PHACTR3: variants seen among roughly 807,000 people sequenced by gnomAD.
The protein encoded by PHACTR3 is protein phosphatase 1, regulatory subunit 123.
A neutral mutation model predicts 66.8 loss-of-function variants in PHACTR3; 16 were observed. The ratio of observed to expected loss-of-function variants is 0.24; its 90% CI spans 0.16 to 0.36. The LOEUF is 0.36. Ranked by LOEUF, PHACTR3 falls within the 10% of genes least tolerant of loss-of-function variation. PHACTR3 has a pLI of 1.00. For missense variants in PHACTR3, 647 were observed against 719.9 expected (o/e 0.90, Z 1.16); for synonymous variants, 323 against 292.1 (o/e 1.11, Z -1.08).
At chr20:59,819,555 A>G (rs898757866) in intron 8 of PHACTR3, among the ~76,000 whole-genome samples, 3 of 150,754 alleles carry the variant, frequency 2.0e-5, no homozygotes, top group South Asian at 2.1e-4. Context: ...AAAAAAAAAG[A>G]AAACAAAATG....
At chr20:59,663,665 G>C (rs1474847493) in intron 1 of PHACTR3, among the ~76,000 whole-genome samples, 1 of 152,188 alleles carries the variant, frequency 6.6e-6, no homozygotes, top group East Asian at 1.9e-4. Flanking sequence ...TGACGATGCC[G>C]CGTGCAGGAG....
intron 1 of PHACTR3, among the ~76,000 whole-genome samples, chr20:59,722,849 A>G (rs73144831): frequency 0.18 from 27,710 of 151,586 alleles, 3,337 homozygotes; most frequent in Non-Finnish European, 0.25. Context: ...GGTGGTGGTG[A>G]GCACCGCAGC....
chr20:59,798,158 C>T (rs945402179), intron 7 of PHACTR3, among the ~76,000 whole-genome samples: 109 of 152,150 alleles, frequency 7.2e-4, no homozygotes, highest in African/African-American at 2.5e-3. Context: ...TAGGTGGCAC[C>T]ATCTAGGTGT....
chr20:59,839,167 T>C lies in PHACTR3; in HGVS notation c.1385-1202T>C, dbSNP rs182942163. On this transcript the variant is annotated intron_variant, in intron 9 of 12. Coordinates refer to ENST00000371015, the MANE Select transcript of PHACTR3 (RefSeq NM_080672.5). Reference sequence around the variant, plus strand: ...CACGTAAATCCCTCATGGCTTGCCTTGTCTGGACACTTTCACAATGTCTCT... The same window carrying C: ...CACGTAAATCCCTCATGGCTTGCCTCGTCTGGACACTTTCACAATGTCTCT... Among the ~76,000 whole-genome samples, 331 of 152,326 alleles carry C rather than the reference T, an allele frequency of 2.2e-3. 5 individuals are homozygous for C. The highest frequency in any genetic ancestry group is 0.017 in the South Asian group (81 of 4,822).
chr20:59,713,297 G>A (rs187165788), intron 1 of PHACTR3, among the ~76,000 whole-genome samples: 18 of 152,196 alleles, frequency 1.2e-4, no homozygotes, highest in Admixed American at 7.8e-4. Context: ...TTTTCTACTA[G>A]GCATAGGACA....
chr20:59,759,656 C>T (rs766867924), intron 4 of PHACTR3, among the ~76,000 whole-genome samples: 2 of 152,178 alleles, frequency 1.3e-5, no homozygotes, highest in African/African-American at 2.4e-5. Context: ...CCTAGGTCTC[C>T]GGTTTCTACT....
In PHACTR3 at chr20:59,847,482, CCT is replaced by C. The variant is rs2059172457; in HGVS notation, c.*355_*356del. 1 of 217,712 alleles carries C rather than the reference CCT, an allele frequency of 4.6e-6. No homozygotes were observed. The highest frequency in any genetic ancestry group is 2.2e-5 in the African/African-American group (1 of 44,484). The allele number at this position is 217,712 out of a possible 1,614,324, so 13.5% of individuals were successfully genotyped here. ...CATGTGCAGGCTCACCACTCCCAGGCCTCTGACATGAGGGACATGTGACAGTG... is the reference window on the plus strand; with the variant it reads ...CATGTGCAGGCTCACCACTCCCAGGCCTGACATGAGGGACATGTGACAGTG... On this transcript the variant is annotated 3_prime_UTR_variant, in exon 13 of 13. Transcript: ENST00000371015.
chr20:59,752,573 C>CTTGCAGAAAACCTGCAAGAAGTCG (rs1205274752), intron 3 of PHACTR3, among the ~76,000 whole-genome samples: 2 of 152,222 alleles, frequency 1.3e-5, no homozygotes, highest in Non-Finnish European at 2.9e-5. Context: ...GCAAGAAGTC[C>CTTGCAGAAAACCTGCAAGAAGTCG]TTGCAGAAAA....
rs6027089 is a variant in PHACTR3, at chr20:59,769,188, C to T, written c.751+1793C>T. On this transcript the variant is annotated intron_variant, in intron 5 of 12. Coordinates refer to ENST00000371015, the MANE Select transcript of PHACTR3 (RefSeq NM_080672.5). The stretch of plus-strand genomic sequence containing the variant: ...CCCTTGACCTCATAGCACCATGCGC[C>T]CCATCTTCCAGCATTTACCACATTG... Among the ~76,000 whole-genome samples the T allele has an allele frequency of 9.6e-3, 1,461 of 152,360 alleles. 26 individuals are homozygous for T. Among genetic ancestry groups the T allele is most frequent in the African/African-American group, 0.034 (1,399 of 41,588 alleles).
At chr20:59,706,634 C>T (rs2037712773) in intron 1 of PHACTR3, among the ~76,000 whole-genome samples, 1 of 152,192 alleles carries the variant, frequency 6.6e-6, no homozygotes, top group Non-Finnish European at 1.5e-5. Flanking sequence ...GAGCCCTCTC[C>T]CCAAGAGCTG....
At chr20:59,727,823 C>CA (rs556457155) in intron 1 of PHACTR3, among the ~76,000 whole-genome samples, 30 of 152,184 alleles carry the variant, frequency 2.0e-4, no homozygotes, top group African/African-American at 7.0e-4. Context: ...GCAAATATTC[C>CA]AAAATCAGAA....
intron 9 of PHACTR3, among the ~76,000 whole-genome samples, chr20:59,837,130 G>C (rs905311160): frequency 2.0e-5 from 3 of 152,138 alleles, no homozygotes; most frequent in Non-Finnish European, 4.4e-5. Flanking sequence ...CCATGCTCTA[G>C]GGCACTATAT....
intron 11 of PHACTR3, among the ~76,000 whole-genome samples, chr20:59,843,122 T>C (rs2059094228): frequency 6.6e-6 from 1 of 151,950 alleles, no homozygotes; most frequent in Non-Finnish European, 1.5e-5. Flanking sequence ...TTATTTAAAA[T>C]AGGTACCAAA....
chr20:59,829,445 C>T lies in PHACTR3; in HGVS notation c.1329-7060C>T, dbSNP rs1203327541. Among the ~76,000 whole-genome samples the T allele has an allele frequency of 6.6e-6, 1 of 152,224 alleles. No individual in the cohort carries two copies. The highest frequency in any genetic ancestry group is 1.5e-5 in the Non-Finnish European group (1 of 68,042). ...TCCTGAACTTCTCTCCAGACACACC[C>T]ACATTGCTCTGACGCTCTGAGACAT... On this transcript the variant is annotated intron_variant, in intron 8 of 12. Coordinates refer to ENST00000371015, the MANE Select transcript of PHACTR3 (RefSeq NM_080672.5). This position sits in a 1 kb window ranked among gnomAD's most constrained non-coding sequence, Gnocchi z 4.2.
intron 7 of PHACTR3, among the ~76,000 whole-genome samples, chr20:59,801,103 T>C (rs2041400243): frequency 6.6e-6 from 1 of 152,224 alleles, no homozygotes; most frequent in African/African-American, 2.4e-5. Flanking sequence ...TCTTTGGATC[T>C]TCTTACTATG....
At chr20:59,598,492 A>G (rs1045584472) in intron 1 of PHACTR3, among the ~76,000 whole-genome samples, 1 of 152,184 alleles carries the variant, frequency 6.6e-6, no homozygotes, top group Non-Finnish European at 1.5e-5. Flanking sequence ...CTTGACCCCA[A>G]GGAGGGCTAG....
At chr20:59,661,246 G>A (rs2035794142) in intron 1 of PHACTR3, among the ~76,000 whole-genome samples, 1 of 152,040 alleles carries the variant, frequency 6.6e-6, no homozygotes, top group Non-Finnish European at 1.5e-5. Flanking sequence ...TGGGCTGCTT[G>A]TTGATGGCTG....
rs530353969 is a variant in PHACTR3 at position 59,617,823 on chromosome 20, C to T, written c.118+12691C>T. Among the ~76,000 whole-genome samples, 3 of 152,336 alleles carry T rather than the reference C, an allele frequency of 2.0e-5. No homozygotes were observed. The South Asian group carries it at 6.2e-4, about 32-fold the overall frequency. On this transcript the variant is annotated intron_variant, in intron 1 of 12. Coordinates refer to ENST00000371015, the MANE Select transcript of PHACTR3 (RefSeq NM_080672.5). ...CCTCCCTCTGTCCTTCTTCTTTCTC[C>T]TTCCCTTCCAGCAAATTTAGTGCCT...
At chr20:59,708,265 C>T (rs951575190) in intron 1 of PHACTR3, among the ~76,000 whole-genome samples, 4 of 152,180 alleles carry the variant, frequency 2.6e-5, no homozygotes, top group South Asian at 2.1e-4. Flanking sequence ...TTGAGGGGCT[C>T]ACAACCATGG....
Sources: allele counts gnomAD v4.1 joint callset (sites outside exome capture counted in the v4.1 genomes callset), GRCh38; gene constraint gnomAD v4.1.1; non-coding constraint Gnocchi (gnomAD v3.1); transcripts MANE v1.5; gene names NCBI Gene and HGNC (gene_info 2026-07-23, HGNC 2026-07-21).